The following VWA3B variants were observed in gnomAD, a reference collection of about 807,000 sequenced individuals.
The protein encoded by VWA3B is von Willebrand factor A domain containing 3B, also known as von Willebrand factor A domain-containing protein 3B.
In VWA3B, 138 loss-of-function variants were observed where a neutral mutation model predicts 158.3. That is an observed-to-expected ratio of 0.87 (90% confidence interval 0.76 to 1.00). The LOEUF is 1.00. Ranked by LOEUF, VWA3B falls within the 50% of genes least tolerant of loss-of-function variation. The pLI, the probability that VWA3B is intolerant of heterozygous loss-of-function variation, is 0.00. For synonymous variants in VWA3B, 596 were observed against 587.3 expected (o/e 1.01, Z -0.21); for missense variants, 1,555 against 1,565.1 (o/e 0.99, Z 0.11).
intron 7 of VWA3B, among the ~76,000 whole-genome samples, chr2:98,150,220 T>G (rs1035224319): frequency 6.6e-6 from 1 of 152,228 alleles, no homozygotes; most frequent in African/African-American, 2.4e-5. Context: ...CTGTGCTTGC[T>G]TTAGATTCCT....
intron 16 of VWA3B, among the ~76,000 whole-genome samples, chr2:98,233,571 T>A (rs1306994125): frequency 2.0e-5 from 3 of 152,210 alleles, no homozygotes; most frequent in African/African-American, 7.2e-5. Context: ...AAATTTAGCT[T>A]TCTTAGTTCC....
chr2:98,122,194 G>C (rs180937542), intron 5 of VWA3B: 1 of 152,434 alleles, frequency 6.6e-6, no homozygotes, highest in East Asian at 1.9e-4. Flanking sequence ...TGGCAAGCCA[G>C]TGGAGACACA....
chr2:98,182,810 C>T lies in VWA3B; in HGVS notation c.1311+1598C>T, dbSNP rs1680706545. The stretch of plus-strand genomic sequence containing the variant: ...TGGCACGTGCCTGTAATCCCAGCTA[C>T]TTGGGAGGCTGAGGCAGAACCCGAG... On this transcript the variant is annotated intron_variant, in intron 9 of 27. Transcript: ENST00000477737. 2.0e-5 allele frequency among the ~76,000 whole-genome samples: 3 copies of T among 152,138 alleles called. No homozygotes were observed. In the South Asian group the frequency reaches 6.2e-4, roughly 32 times the overall value.
chr2:98,253,936 T>TC (rs1686958529), intron 20 of VWA3B, among the ~76,000 whole-genome samples: 3 of 152,238 alleles, frequency 2.0e-5, no homozygotes, highest in Admixed American at 2.0e-4. Context: ...TGCGGTGGCC[T>TC]CCCTGGACAG....
At chr2:98,201,768 T>C (rs1311693667) in intron 12 of VWA3B, among the ~76,000 whole-genome samples, 1 of 152,222 alleles carries the variant, frequency 6.6e-6, no homozygotes, top group Non-Finnish European at 1.5e-5. Context: ...TGAAGCCAAG[T>C]TGCCAAGTTG....
At chr2:98,201,935 G>A (rs1025217938) in intron 12 of VWA3B, among the ~76,000 whole-genome samples, 1 of 151,958 alleles carries the variant, frequency 6.6e-6, no homozygotes, top group Admixed American at 6.6e-5. Context: ...TCTTGTTGAG[G>A]TTTTTTTGTC....
chr2:98,218,135 C>A, intron 14 of VWA3B, 107 bp downstream of exon 14: 2 of 1,256,050 alleles, frequency 1.6e-6, no homozygotes, highest in Non-Finnish European at 2.2e-6. Flanking sequence ...ATAGAGATAA[C>A]TAAGTCAAAA....
At chr2:98,151,045 A>G (rs1677580927) in intron 7 of VWA3B, among the ~76,000 whole-genome samples, 1 of 151,762 alleles carries the variant, frequency 6.6e-6, no homozygotes. Flanking sequence ...GTCAGCCATT[A>G]TTTCTTGATC....
chr2:98,237,173 C>A (rs941927747), intron 19 of VWA3B, among the ~76,000 whole-genome samples: 5 of 152,186 alleles, frequency 3.3e-5, no homozygotes, highest in Admixed American at 2.0e-4. Context: ...GAGATCTTGT[C>A]TCAAAAACAA....
intron 8 of VWA3B, among the ~76,000 whole-genome samples, chr2:98,167,994 A>G (rs1018681352): frequency 6.6e-6 from 1 of 152,232 alleles, no homozygotes; most frequent in African/African-American, 2.4e-5. Flanking sequence ...GCATCTCTGA[A>G]CAAAGCTCAA....
chr2:98,236,354 G>A (rs1685678857), intron 17 of VWA3B, 36 bp from the exon 18 acceptor site: 2 of 1,611,784 alleles, frequency 1.2e-6, no homozygotes, highest in Non-Finnish European at 8.5e-7. Context: ...ACCCATATGT[G>A]AGGAAAATAT....
chr2:98,230,204 G>C lies in VWA3B; in HGVS notation c.2305G>C (p.Ala769Pro), dbSNP rs370641061. The C allele has an allele frequency of 1.7e-5, 27 of 1,563,700 alleles. No homozygotes were observed. The highest frequency in any genetic ancestry group is 2.2e-5 in the Non-Finnish European group (26 of 1,162,166). The change falls in exon 16 of 28, where the codon GCA (alanine) becomes CCA (proline). Residue 769 changes from alanine (A) to proline (P), a missense_variant. Coordinates refer to ENST00000477737, the MANE Select transcript of VWA3B (RefSeq NM_144992.5). ...QKVQKKKVLH[A>P]ESTKTSLLRS... The stretch of plus-strand genomic sequence containing the variant: ...GGTTCAGAAAAAGAAAGTCCTTCAC[G>C]CAGGTATCAGTGAACAAAATGGCTT...
At chr2:98,297,085 ATT>A (rs751540124) in intron 23 of VWA3B, among the ~76,000 whole-genome samples, 6 of 143,044 alleles carry the variant, frequency 4.2e-5, no homozygotes, top group Admixed American at 7.0e-5. Context: ...CTCTTTTTTC[ATT>A]TTTTTTTTTT....
chr2:98,162,037 C>G (rs969084365), intron 7 of VWA3B, among the ~76,000 whole-genome samples: 1 of 152,068 alleles, frequency 6.6e-6, no homozygotes, highest in Non-Finnish European at 1.5e-5. Flanking sequence ...CCACTTTCCC[C>G]CATAGTAACA....
intron 22 of VWA3B, among the ~76,000 whole-genome samples, chr2:98,273,812 C>T (rs577295666): frequency 6.6e-6 from 1 of 152,262 alleles, no homozygotes; most frequent in South Asian, 2.1e-4. Flanking sequence ...AATTTGCTGG[C>T]ATATTCTTTT....
At chr2:98,115,874 G>A in intron 3 of VWA3B, 128 bp downstream of exon 3, 2 of 687,302 alleles carry the variant, frequency 2.9e-6, no homozygotes, top group Non-Finnish European at 4.7e-6. Context: ...TATTAGGCTG[G>A]GGGTTTTCTT....
chr2:98,316,242 ACTT>A (rs763249388), downstream of VWA3B, among the ~76,000 whole-genome samples: 4 of 152,184 alleles, frequency 2.6e-5, no homozygotes, highest in Admixed American at 6.5e-5. Context: ...AGATTTTTTC[ACTT>A]CTTTGAGCAT....
chr2:98,321,093 G>A, the VWA3B span, among the ~76,000 whole-genome samples: 27 of 152,354 alleles, frequency 1.8e-4, no homozygotes, highest in African/African-American at 6.5e-4. Flanking sequence ...TACAGCTCAG[G>A]CTGTTGCTTC....
intron 2 of VWA3B, among the ~76,000 whole-genome samples, chr2:98,100,764 A>G (rs1413819577): frequency 6.6e-6 from 1 of 152,142 alleles, no homozygotes. Flanking sequence ...TTGCCCAGAT[A>G]GTGGTATTTT....
Sources: allele counts gnomAD v4.1 joint callset (sites outside exome capture counted in the v4.1 genomes callset), GRCh38; gene constraint gnomAD v4.1.1; transcripts MANE v1.5; gene names NCBI Gene and HGNC (gene_info 2026-07-23, HGNC 2026-07-21).